Variants in GPHN observed in about 807,000 individuals in gnomAD.
GPHN encodes gephyrin.
GPHN carries 17 observed loss-of-function variants against 95.5 expected under a neutral mutation model. That is an observed-to-expected ratio of 0.18 (90% CI 0.12 to 0.27). GPHN has a LOEUF of 0.27. GPHN is among the 10% of genes least tolerant of loss of function. The probability of loss-of-function intolerance (pLI) is 1.00; values close to 1 mark genes in which losing one functional copy is unlikely to be tolerated. For missense variants in GPHN, 660 were observed against 978.1 expected (o/e 0.67, Z 4.34); for synonymous variants, 320 against 322.5 (o/e 0.99, Z 0.08).
chr14:66,593,724 A>C (rs1330919756), intron 1 of GPHN, among the ~76,000 whole-genome samples: 1 of 152,216 alleles, frequency 6.6e-6, no homozygotes, highest in East Asian at 1.9e-4. Context: ...TATTATGCTC[A>C]GCACTGAAAA....
chr14:67,611,592 G>A, the GPHN span, among the ~76,000 whole-genome samples: 5 of 152,110 alleles, frequency 3.3e-5, no homozygotes, highest in South Asian at 2.1e-4. Flanking sequence ...TTGTATCACT[G>A]GTAAACTGAG....
intron 2 of GPHN, among the ~76,000 whole-genome samples, chr14:66,710,976 C>G (rs1237258781): frequency 6.6e-6 from 1 of 152,204 alleles, no homozygotes; most frequent in East Asian, 1.9e-4. Flanking sequence ...CCACATATAC[C>G]TTACTAGAAT....
chr14:66,731,484 G>A (rs2071761545), intron 2 of GPHN, among the ~76,000 whole-genome samples: 1 of 152,220 alleles, frequency 6.6e-6, no homozygotes, highest in African/African-American at 2.4e-5. Flanking sequence ...GGTCACTCCT[G>A]CCTTGCTTTA....
chr14:67,010,095 A>G (rs892992299), intron 9 of GPHN, among the ~76,000 whole-genome samples: 3 of 151,992 alleles, frequency 2.0e-5, no homozygotes, highest in African/African-American at 7.3e-5. Context: ...ATTGTTTTTC[A>G]TACATTCAGT....
intron 10 of GPHN, among the ~76,000 whole-genome samples, chr14:67,053,933 C>A (rs573679827): frequency 6.6e-6 from 1 of 152,262 alleles, no homozygotes; most frequent in South Asian, 2.1e-4. Flanking sequence ...TAAAAACTTT[C>A]AATAAACTAG....
chr14:67,592,312 C>T, the GPHN span: 1 of 434,058 alleles, frequency 2.3e-6, no homozygotes, highest in South Asian at 2.0e-5. Context: ...AGATGGTGCA[C>T]ACCTGTAGTC....
At chr14:67,727,641 C>T in the GPHN span, 1 of 212,818 alleles carries the variant, frequency 4.7e-6, no homozygotes, top group Non-Finnish European at 9.5e-6. Flanking sequence ...CAATATCACG[C>T]CTGGCTAATT....
chr14:66,692,074 T>A (rs565603575), intron 2 of GPHN, among the ~76,000 whole-genome samples: 5 of 152,316 alleles, frequency 3.3e-5, no homozygotes, highest in Non-Finnish European at 7.4e-5. Context: ...AGTCCTTAGT[T>A]TTCCTTTGAT....
At chr14:66,972,717 TATA>T (rs1393833089) in intron 9 of GPHN, among the ~76,000 whole-genome samples, 3 of 152,074 alleles carry the variant, frequency 2.0e-5, no homozygotes, top group Non-Finnish European at 4.4e-5. Context: ...AATATTGTCA[TATA>T]ATATTGTAAT....
At chr14:67,514,458 G>T in the GPHN span, among the ~76,000 whole-genome samples, 41 of 152,296 alleles carry the variant, frequency 2.7e-4, no homozygotes, top group Admixed American at 7.2e-4. Context: ...GCAGCCAGGG[G>T]GCTGGGCTGG....
intron 18 of GPHN, 82 bp downstream of exon 18, chr14:67,143,531 T>G: frequency 1.1e-6 from 1 of 888,356 alleles, no homozygotes; most frequent in Non-Finnish European, 1.9e-6. Context: ...GGTAGGCATC[T>G]GATATTCATA....
At chr14:67,398,213 T>G in the GPHN span, among the ~76,000 whole-genome samples, 23 of 143,600 alleles carry the variant, frequency 1.6e-4, no homozygotes, top group African/African-American at 6.1e-4. Context: ...ATAGTTTTAT[T>G]TTCTAGTTTT....
chr14:67,251,134 G>A, the GPHN span, among the ~76,000 whole-genome samples: 1 of 152,154 alleles, frequency 6.6e-6, no homozygotes, highest in Non-Finnish European at 1.5e-5. Flanking sequence ...TGGCTTTTCT[G>A]CTTTGTCTGT....
intron 6 of GPHN, among the ~76,000 whole-genome samples, chr14:66,921,905 C>A (rs1596378309): frequency 6.6e-6 from 1 of 152,182 alleles, no homozygotes; most frequent in East Asian, 1.9e-4. Flanking sequence ...GAAATAAAAT[C>A]AAAAACTTAG....
intron 8 of GPHN, among the ~76,000 whole-genome samples, chr14:66,933,369 T>C (rs141114291): frequency 4.9e-4 from 74 of 152,362 alleles, no homozygotes; most frequent in African/African-American, 1.7e-3. Flanking sequence ...TCAGAAGACC[T>C]CTATGTGAGA....
At chr14:67,141,410 C>T (rs1440813857) in intron 17 of GPHN, among the ~76,000 whole-genome samples, 1 of 152,120 alleles carries the variant, frequency 6.6e-6, no homozygotes, top group Non-Finnish European at 1.5e-5. Context: ...CGAACTTTGC[C>T]AGTTTGTTGG....
intron 10 of GPHN, among the ~76,000 whole-genome samples, chr14:67,042,200 T>C (rs912790194): frequency 6.6e-6 from 1 of 152,180 alleles, no homozygotes; most frequent in Non-Finnish European, 1.5e-5. Context: ...AATTTTTTAG[T>C]TTCTTTTGCT....
At chr14:67,074,274 C>T (rs1456810885) in intron 11 of GPHN, among the ~76,000 whole-genome samples, 1 of 151,026 alleles carries the variant, frequency 6.6e-6, no homozygotes, top group African/African-American at 2.4e-5. Context: ...GCATGTGTTC[C>T]TTTATGTCTC....
intron 2 of GPHN, among the ~76,000 whole-genome samples, chr14:66,707,665 G>C (rs1461332661): frequency 6.6e-6 from 1 of 152,124 alleles, no homozygotes; most frequent in East Asian, 1.9e-4. Context: ...GGGCCTGTTG[G>C]GCGGCGGCAG....
Sources: gnomAD v4.1 joint callset for allele counts (sites outside exome capture counted in the v4.1 genomes callset) on GRCh38, gnomAD v4.1.1 for gene constraint, MANE v1.5 for transcripts, NCBI Gene and HGNC (gene_info 2026-07-23, HGNC 2026-07-21) for gene names.